Variants in PCDHA5 observed in about 807,000 individuals in gnomAD.
PCDHA5 encodes the protein protocadherin alpha-5.
Under a neutral mutation model 61.6 loss-of-function variants are expected in PCDHA5, and 43 were observed. The ratio of observed to expected loss-of-function variants is 0.70; its 90% CI spans 0.55 to 0.90. The LOEUF (loss-of-function observed/expected upper bound fraction) is 0.90, where lower values mean the gene tolerates loss of function less well. PCDHA5 is among the 40% of genes least tolerant of loss of function. PCDHA5 has a pLI of 0.00. For missense variants in PCDHA5, 1,298 were observed against 1,222.7 expected (o/e 1.06, Z -0.92); for synonymous variants, 627 against 543.9 (o/e 1.15, Z -2.13).
At position 140,827,869 on chromosome 5, in the gene PCDHA5, C is replaced by T; in HGVS notation, c.2352+3742C>T. ...TGTTTTAAAAATATATGGTATAGCA[C>T]TGTTACGTGAATTGATTTCTTACCT... On this transcript the variant is annotated intron_variant, in intron 1 of 3. Coordinates refer to ENST00000529859, the MANE Select transcript of PCDHA5 (RefSeq NM_018908.3). 8.0e-6 allele frequency: 5 copies of T among 625,262 alleles called. No individual in the cohort carries two copies. In the South Asian group the frequency reaches 8.1e-5, roughly 10 times the overall value. The allele number at this position is 625,262 out of a possible 1,614,324, so 38.7% of individuals were successfully genotyped here.
At chr5:140,928,800 A>G (rs782641676) in intron 1 of PCDHA5, 6 of 1,614,098 alleles carry the variant, frequency 3.7e-6, no homozygotes, top group Non-Finnish European at 4.2e-6. Flanking sequence ...GGGTGGTGGT[A>G]GTGGTTCGGG....
chr5:140,987,228 TAATA>T (rs1459014222), intron 3 of PCDHA5, among the ~76,000 whole-genome samples: 2 of 149,038 alleles, frequency 1.3e-5, no homozygotes, highest in Non-Finnish European at 3.0e-5. Flanking sequence ...AAAAAAAAAA[TAATA>T]AATAAAGAAA....
intron 1 of PCDHA5, chr5:140,883,985 G>A (rs782534317): frequency 1.2e-6 from 2 of 1,612,814 alleles, no homozygotes; most frequent in Admixed American, 1.7e-5. Context: ...GGCTGGCAGC[G>A]CGGGAGGCAC....
Position 141,010,227 on chromosome 5 carries a change from C to T in PCDHA5, c.*290C>T. 6.4e-7 allele frequency: 1 copy of T among 1,551,876 alleles called. No homozygotes were observed. The highest frequency in any genetic ancestry group is 8.7e-7 in the Non-Finnish European group (1 of 1,147,036). On this transcript the variant is annotated 3_prime_UTR_variant, in exon 4 of 4. Coordinates refer to ENST00000529859, the MANE Select transcript of PCDHA5 (RefSeq NM_018908.3). ...GCCGCAAAGGAGAGGCTTCCCAGCC[C>T]CGCCAGTGAGAGGTTGGACTCTCTG...
chr5:140,997,188 G>T (rs948891203), intron 3 of PCDHA5, among the ~76,000 whole-genome samples: 1 of 151,976 alleles, frequency 6.6e-6, no homozygotes, highest in African/African-American at 2.4e-5. Context: ...GACAATTGAT[G>T]AAACTATATT....
chr5:140,963,196 GA>G (rs199602110), intron 1 of PCDHA5, among the ~76,000 whole-genome samples: 26 of 147,674 alleles, frequency 1.8e-4, no homozygotes, highest in South Asian at 4.3e-4. Context: ...CTGTGAAAAT[GA>G]AAAAAAAAAC....
At chr5:140,859,289 A>G (rs2045796105) in intron 1 of PCDHA5, 1 of 129,084 alleles carries the variant, frequency 7.7e-6, no homozygotes, top group African/African-American at 2.7e-5. Context: ...GAGACTGAAA[A>G]TACTTTAGTA....
intron 1 of PCDHA5, chr5:140,875,355 T>A: frequency 6.9e-7 from 1 of 1,446,356 alleles, no homozygotes; most frequent in African/African-American, 1.4e-5. Context: ...ATGACTGTGA[T>A]GCTGGAAAAA....
intron 1 of PCDHA5, among the ~76,000 whole-genome samples, chr5:140,953,492 G>T (rs542677103): frequency 6.6e-6 from 1 of 152,188 alleles, no homozygotes; most frequent in East Asian, 1.9e-4. Context: ...TCACAACCTT[G>T]ATCAGCTATT....
intron 1 of PCDHA5, chr5:140,859,483 G>C (rs1554152411): frequency 9.7e-6 from 2 of 206,816 alleles, no homozygotes; most frequent in African/African-American, 4.7e-5. Flanking sequence ...GTGTTTTCCT[G>C]AAATTGGTTG....
chr5:140,858,817 G>A (rs1212820522), intron 1 of PCDHA5: 1 of 345,356 alleles, frequency 2.9e-6, no homozygotes, highest in Non-Finnish European at 5.3e-6. Context: ...TGATTTGATT[G>A]TATTTGCATT....
Position 140,841,121 on chromosome 5 carries a change from A to T in PCDHA5, c.2352+16994A>T, listed in dbSNP as rs1777036212. The T allele has an allele frequency of 1.1e-5, 7 of 638,568 alleles. No individual in the cohort carries two copies. In the African/African-American group the frequency reaches 1.3e-4, roughly 12 times the overall value. 39.6% of individuals were successfully genotyped at this position (638,568 alleles called of 1,614,324 possible). A position where few individuals can be genotyped will look rare whatever the true frequency, so the allele number is the denominator to read the frequency against. The stretch of plus-strand genomic sequence containing the variant: ...TATTGCGGAAGTAATTCATGTAATC[A>T]TTACCTTTTGAAGCCACATGATGTC... On this transcript the variant is annotated intron_variant, in intron 1 of 3. Transcript: ENST00000529859.
Position 140,978,839 on chromosome 5 carries a change from C to CT in PCDHA5, c.2353-104dup, listed in dbSNP as rs5871758. On this transcript the variant is annotated intron_variant, in intron 1 of 3. Transcript: ENST00000529859. ...TACACATGAAATGGCTCATTCAATA[C>CT]TTTTTTAGATGCCTGGAAATATTTA... 14,607 of 1,556,970 alleles carry CT rather than the reference C, an allele frequency of 9.4e-3. 629 individuals carry two copies. The African/African-American group carries it at 0.12, about 13-fold the overall frequency.
chr5:140,872,073 T>C (rs2053472746), intron 1 of PCDHA5, among the ~76,000 whole-genome samples: 1 of 152,222 alleles, frequency 6.6e-6, no homozygotes, highest in Admixed American at 6.5e-5. Context: ...TAGCTGGGAA[T>C]GCAGTGCCAC....
At chr5:140,967,585 C>T (rs1278675624) in intron 1 of PCDHA5, 1 of 1,614,152 alleles carries the variant, frequency 6.2e-7, no homozygotes, top group Non-Finnish European at 8.5e-7. Flanking sequence ...CACCCCCAGG[C>T]ACATTGGTGG....
intron 1 of PCDHA5, chr5:140,875,985 G>T: frequency 6.2e-7 from 1 of 1,613,950 alleles, no homozygotes; most frequent in South Asian, 1.1e-5. Context: ...TGACCTATGC[G>T]TTAAGTCTAA....
intron 1 of PCDHA5, chr5:140,877,218 G>T: frequency 1.2e-6 from 2 of 1,613,726 alleles, no homozygotes; most frequent in South Asian, 1.1e-5. Context: ...AGTTGGTACC[G>T]CGGTCGGTGG....
Position 140,855,272 on chromosome 5 carries a change from A to G in PCDHA5, c.2352+31145A>G, listed in dbSNP as rs527268244. Among the ~76,000 whole-genome samples the G allele has an allele frequency of 6.0e-5, 9 of 149,830 alleles. 1 individual carries two copies. In the South Asian group the frequency reaches 1.7e-3, roughly 28 times the overall value. ...CACTTACTATATTATAATTCACTCA[A>G]CCACCGTATTACTATTAGGCCAAAG... On this transcript the variant is annotated intron_variant, in intron 1 of 3. Transcript: ENST00000529859.
chr5:141,009,491 C>G, intron 3 of PCDHA5, 136 bp from the exon 4 acceptor site: 1 of 1,475,722 alleles, frequency 6.8e-7, no homozygotes, highest in Non-Finnish European at 9.0e-7. Flanking sequence ...GCCTTGCCCT[C>G]AGACTTGAAC....
Sources: gnomAD v4.1 joint callset for allele counts (sites outside exome capture counted in the v4.1 genomes callset) on GRCh38, gnomAD v4.1.1 for gene constraint, MANE v1.5 for transcripts, NCBI Gene and HGNC (gene_info 2026-07-23, HGNC 2026-07-21) for gene names.